The following PALLD variants were observed in gnomAD, a reference collection of about 807,000 sequenced individuals.
PALLD encodes palladin, cytoskeletal associated protein.
PALLD carries 61 observed loss-of-function variants against 123.5 expected under a neutral mutation model. The observed-to-expected ratio is 0.49, with a 90% CI of 0.40 to 0.61. PALLD has a LOEUF of 0.61. PALLD is among the 20% of genes least tolerant of loss of function. The probability of loss-of-function intolerance (pLI) is 0.00; values close to 1 mark genes in which losing one functional copy is unlikely to be tolerated. For missense variants in PALLD, 1,273 were observed against 1,377.0 expected, an observed-to-expected ratio of 0.92 and a Z score of 1.20; for synonymous variants, 465 against 496.4, an observed-to-expected ratio of 0.94 and a Z score of 0.84.
Position 168,547,229 on chromosome 4 carries a change from GC to G in PALLD, c.908+34819del, listed in dbSNP as rs1766224906. Among the ~76,000 whole-genome samples the G allele has an allele frequency of 2.0e-5, 3 of 152,258 alleles. No individual in the cohort carries two copies. The South Asian group carries it at 6.2e-4, about 32-fold the overall frequency. Reference sequence around the variant, plus strand: ...TAACTGGGTGTGTGGCAAGCACCCGGCCAGTGATTTAACCTTTCAGAAACTA... The same window carrying G: ...TAACTGGGTGTGTGGCAAGCACCCGGCAGTGATTTAACCTTTCAGAAACTA... On this transcript the variant is annotated intron_variant, in intron 2 of 21. Transcript: ENST00000505667.
chr4:168,527,069 T>C (rs1395968501), intron 2 of PALLD, among the ~76,000 whole-genome samples: 1 of 152,152 alleles, frequency 6.6e-6, no homozygotes, highest in Non-Finnish European at 1.5e-5. Flanking sequence ...GTGGCATTTG[T>C]CTCAGCTCTC....
intron 10 of PALLD, among the ~76,000 whole-genome samples, chr4:168,804,242 A>G (rs1324956547): frequency 6.6e-6 from 1 of 152,230 alleles, no homozygotes; most frequent in African/African-American, 2.4e-5. Flanking sequence ...ACTAACATGC[A>G]GCACTTCACA....
rs115744040 is a variant in PALLD at position 168,827,628 on chromosome 4, T to C, written c.1965-63294T>C. ...TCTGTTATTTCCTTAGTCTTGTTCT[T>C]GTTTGATAAATGTAGTTGGGAGCCC... On this transcript the variant is annotated intron_variant, in intron 10 of 21. Transcript: ENST00000505667. Among the ~76,000 whole-genome samples the C allele has an allele frequency of 5.6e-3, 851 of 152,366 alleles. 6 individuals carry two copies. The highest frequency in any genetic ancestry group is 0.019 in the African/African-American group (784 of 41,588).
intron 8 of PALLD, chr4:168,701,047 A>G (rs888718955): frequency 2.4e-5 from 3 of 127,510 alleles, no homozygotes; most frequent in Non-Finnish European, 5.3e-5. Flanking sequence ...ATTATTTGTG[A>G]TAGATATTAT....
intron 10 of PALLD, chr4:168,832,668 TC>T: frequency 6.6e-6 from 1 of 150,486 alleles, no homozygotes; most frequent in Non-Finnish European, 1.5e-5. Context: ...GACGGAGGGG[TC>T]CCCCCGACCT....
At chr4:168,687,935 A>T (rs35882894) in intron 6 of PALLD, among the ~76,000 whole-genome samples, 32,029 of 152,042 alleles carry the variant, frequency 0.21, 3,511 homozygotes, top group East Asian at 0.36. Flanking sequence ...GCTCAGAGCC[A>T]CTAGAAGCTC....
chr4:168,869,016 C>T lies in PALLD; in HGVS notation c.1965-21906C>T, dbSNP rs1354340134. 6.6e-6 allele frequency among the ~76,000 whole-genome samples: 1 copy of T among 152,156 alleles called. No individual in the cohort carries two copies. Among genetic ancestry groups the T allele is most frequent in the Non-Finnish European group, 1.5e-5 (1 of 68,038 alleles). ...TGGTACAGGCTGCCACTGCCTGGAA[C>T]ATGATGGAGCGCCTCACAGATGCCA... is the stretch of plus-strand genomic sequence containing the variant. On this transcript the variant is annotated intron_variant, in intron 10 of 21. Transcript: ENST00000505667. This position sits in a 1 kb window ranked among gnomAD's most constrained non-coding sequence, Gnocchi z 4.5.
intron 2 of PALLD, among the ~76,000 whole-genome samples, chr4:168,571,720 A>G (rs1769004955): frequency 6.6e-6 from 1 of 152,186 alleles, no homozygotes; most frequent in African/African-American, 2.4e-5. Flanking sequence ...TTGAAGGTAA[A>G]TTTCATGCTA....
chr4:168,919,816 T>C (rs4364224), intron 17 of PALLD, among the ~76,000 whole-genome samples: 75,293 of 152,046 alleles, frequency 0.5, 22,216 homozygotes, highest in East Asian at 0.88. Flanking sequence ...TCTAGTTACA[T>C]TGTGACCTGC....
chr4:168,703,912 A>C (rs1393512695), intron 8 of PALLD, among the ~76,000 whole-genome samples: 1 of 151,676 alleles, frequency 6.6e-6, no homozygotes. Flanking sequence ...TCTTTAGTTT[A>C]ATTAGATCCC....
intron 2 of PALLD, among the ~76,000 whole-genome samples, chr4:168,607,779 G>C (rs1196724787): frequency 6.6e-6 from 1 of 151,384 alleles, no homozygotes; most frequent in Non-Finnish European, 1.5e-5. Flanking sequence ...AAAAAAAATT[G>C]GCTGCAAGGA....
chr4:168,927,139 A>G lies in PALLD; in HGVS notation c.*959A>G, dbSNP rs1762671002. On this transcript the variant is annotated 3_prime_UTR_variant, in exon 22 of 22. Coordinates refer to ENST00000505667, the MANE Select transcript of PALLD (RefSeq NM_001166108.2). Reference sequence around the variant, plus strand: ...AGAAATATATTACAGTTCATTCCACAGAAAGCATCCAAACCACCCAAATGA... The same window carrying G: ...AGAAATATATTACAGTTCATTCCACGGAAAGCATCCAAACCACCCAAATGA... The G allele has an allele frequency of 4.4e-6, 1 of 228,288 alleles. No homozygotes were observed. Among genetic ancestry groups the G allele is most frequent in the South Asian group, 1.8e-4 (1 of 5,492 alleles). The allele number at this position is 228,288 out of a possible 1,614,324, so 14.1% of individuals were successfully genotyped here.
At chr4:168,791,919 C>CA (rs934909264) in intron 10 of PALLD, among the ~76,000 whole-genome samples, 19 of 151,572 alleles carry the variant, frequency 1.3e-4, no homozygotes, top group East Asian at 9.7e-4. Flanking sequence ...AGCAAACAAA[C>CA]AAAAAAAACT....
chr4:168,592,775 A>G (rs1337389331), intron 2 of PALLD, among the ~76,000 whole-genome samples: 4 of 152,138 alleles, frequency 2.6e-5, no homozygotes, highest in African/African-American at 2.4e-5. Flanking sequence ...TATCTTTTCT[A>G]ACTTAGCCTG....
chr4:168,641,207 C>CAA lies in PALLD; in HGVS notation c.909-26969_909-26968dup, dbSNP rs567163235. Among the ~76,000 whole-genome samples, 109 of 114,548 alleles carry CAA rather than the reference C, an allele frequency of 9.5e-4. 1 individual carries two copies. Among genetic ancestry groups the CAA allele is most frequent in the Middle Eastern group, 5.1e-3 (1 of 196 alleles). The allele number at this position is 114,548 out of a possible 152,430, so 75.1% of individuals were successfully genotyped here. ...TGGGCGACAGAGCGAGACTCCATCT[C>CAA]AAAAAAAAAAAAAAAGAGAGAGATT... On this transcript the variant is annotated intron_variant, in intron 2 of 21. Coordinates refer to ENST00000505667, the MANE Select transcript of PALLD (RefSeq NM_001166108.2).
chr4:168,772,791 G>A (rs1437030947), intron 10 of PALLD, among the ~76,000 whole-genome samples: 1 of 151,814 alleles, frequency 6.6e-6, no homozygotes, highest in Non-Finnish European at 1.5e-5. Flanking sequence ...ATGAATAAAA[G>A]TATTACTGCA....
At chr4:168,822,289 G>T (rs1742840590) in intron 10 of PALLD, among the ~76,000 whole-genome samples, 1 of 151,276 alleles carries the variant, frequency 6.6e-6, no homozygotes. Context: ...GGGAGGGGGT[G>T]GGGTGGGGAG....
At chr4:168,819,777 A>G (rs1742461359) in intron 10 of PALLD, among the ~76,000 whole-genome samples, 1 of 152,230 alleles carries the variant, frequency 6.6e-6, no homozygotes, top group Non-Finnish European at 1.5e-5. Flanking sequence ...CAAAGAAGTA[A>G]ATATATATTT....
chr4:168,912,646 A>G (rs191166398), intron 15 of PALLD, among the ~76,000 whole-genome samples: 1 of 152,326 alleles, frequency 6.6e-6, no homozygotes, highest in Non-Finnish European at 1.5e-5. Context: ...ACAGTGTGAT[A>G]TTTCAAAGCA....
Sources: gnomAD v4.1 joint callset for allele counts (sites outside exome capture counted in the v4.1 genomes callset) on GRCh38, gnomAD v4.1.1 for gene constraint, Gnocchi (gnomAD v3.1) non-coding constraint, MANE v1.5 for transcripts, NCBI Gene and HGNC (gene_info 2026-07-23, HGNC 2026-07-21) for gene names.